GLUD1: variants seen among roughly 807,000 people sequenced by gnomAD.
GLUD1 encodes the protein glutamate dehydrogenase 1, mitochondrial.
In GLUD1, 22 loss-of-function variants were observed where a neutral mutation model predicts 56.0. The observed-to-expected ratio is 0.39, with a 90% CI of 0.28 to 0.56. GLUD1 has a LOEUF of 0.56. Among genes scored for constraint, GLUD1 ranks in the 20% least tolerant of loss-of-function variants. The pLI is 0.58. For missense variants in GLUD1, 451 were observed against 732.0 expected (o/e 0.62, Z 4.43); for synonymous variants, 223 against 269.9 (o/e 0.83, Z 1.70).
chr10:87,080,863 CG>C (rs1281994488), intron 1 of GLUD1, among the ~76,000 whole-genome samples: 2 of 150,644 alleles, frequency 1.3e-5, no homozygotes, highest in Non-Finnish European at 3.0e-5. Flanking sequence ...GTCAGCCCCC[CG>C]CCCGGCCAGC....
intron 1 of GLUD1, 91 bp from the exon 2 acceptor site, chr10:87,076,747 C>T (rs537164211): frequency 1.2e-6 from 1 of 818,996 alleles, no homozygotes; most frequent in African/African-American, 1.7e-5. Context: ...AAAAAGAAAG[C>T]TACAAATTGA....
chr10:87,052,482 AT>A (rs1457049196), intron 12 of GLUD1, among the ~76,000 whole-genome samples: 1 of 151,874 alleles, frequency 6.6e-6, no homozygotes, highest in Non-Finnish European at 1.5e-5. Context: ...GCGAAACTCC[AT>A]CTCAAAAAAC....
chr10:87,087,424 C>T (rs1404361105), intron 1 of GLUD1, among the ~76,000 whole-genome samples: 1 of 152,138 alleles, frequency 6.6e-6, no homozygotes, highest in Non-Finnish European at 1.5e-5. Context: ...AGCCCCTTTC[C>T]AATCTCCAGA....
At position 87,062,842 on chromosome 10, in the gene GLUD1, G is replaced by A; in HGVS notation, c.742-7C>T. The A allele has an allele frequency of 6.2e-7, 1 of 1,613,036 alleles. No individual in the cohort carries two copies. The highest frequency in any genetic ancestry group is 8.5e-7 in the Non-Finnish European group (1 of 1,179,036). ...AGGCGTGTGCATTAATATCCTGTAA[G>A]AGGGGGTAATTGAAAGAATGAAATG... On this transcript the variant is annotated splice_polypyrimidine_tract_variant and splice_region_variant and intron_variant, in intron 5 of 12. Coordinates refer to ENST00000277865, the MANE Select transcript of GLUD1 (RefSeq NM_005271.5).
intron 9 of GLUD1, 37 bp downstream of exon 9, chr10:87,060,124 A>C: frequency 8.1e-7 from 1 of 1,236,246 alleles, no homozygotes; most frequent in Non-Finnish European, 1.2e-6. Context: ...TTATGATTCT[A>C]AGTACATATA....
intron 4 of GLUD1, among the ~76,000 whole-genome samples, chr10:87,069,519 A>AAAAAAAAAAAAAAAAAAG: frequency 6.6e-6 from 1 of 151,494 alleles, no homozygotes; most frequent in Non-Finnish European, 1.5e-5. Flanking sequence ...TGTTTCAAAA[A>AAAAAAAAAAAAAAAAAAG]AAAAAAAAAA....
rs200631775 is a variant in GLUD1, at chr10:87,094,463, G to C, written c.307C>G (p.Arg103Gly). 3.5e-5 allele frequency: 56 copies of C among 1,613,718 alleles called. No homozygotes were observed. Among genetic ancestry groups the C allele is most frequent in the Non-Finnish European group, 4.2e-5 (50 of 1,179,970 alleles). ...ESEEQKRNRVRGILRIIKPCN... is the reference protein window; with the variant it reads ...ESEEQKRNRVGGILRIIKPCN... ...GGCTTGATGATCCGCAGGATGCCGC[G>C]CACCCGGTTCCGCTTCTGCTCCTCG... Residue 103 changes from arginine to glycine, a missense_variant, in exon 1 of 13, where the codon CGC becomes GGC. Physicochemically the swap from Arg to Gly is moderately radical, Grantham distance 125. This residue lies in a region of GLUD1 where 158 missense variants were observed against 189.7 expected (regional missense o/e 0.83). Coordinates refer to ENST00000277865, the MANE Select transcript of GLUD1 (RefSeq NM_005271.5). This position sits in a 1 kb window ranked among gnomAD's most constrained non-coding sequence, Gnocchi z 6.6.
chr10:87,062,416 G>A (rs1845960309), intron 6 of GLUD1, among the ~76,000 whole-genome samples: 1 of 152,182 alleles, frequency 6.6e-6, no homozygotes, highest in Non-Finnish European at 1.5e-5. Context: ...TGAATTTGGT[G>A]ATAGTTTGGT....
chr10:87,078,700 T>A (rs1841119944), intron 1 of GLUD1, among the ~76,000 whole-genome samples: 1 of 152,158 alleles, frequency 6.6e-6, no homozygotes, highest in Admixed American at 6.6e-5. Flanking sequence ...TAAGCCTCCA[T>A]ACCTATCATG....
At chr10:87,082,569 A>G (rs1841288219) in intron 1 of GLUD1, among the ~76,000 whole-genome samples, 1 of 152,254 alleles carries the variant, frequency 6.6e-6, no homozygotes. Context: ...GAAGCCCCAG[A>G]GCCAACAGAA....
At chr10:87,054,835 T>A (rs571670217) in intron 11 of GLUD1, among the ~76,000 whole-genome samples, 30 of 152,238 alleles carry the variant, frequency 2.0e-4, no homozygotes, top group Non-Finnish European at 4.0e-4. Context: ...GGAAAAACCA[T>A]CCAATGCCCA....
At chr10:87,082,919 C>CT (rs1425993899) in intron 1 of GLUD1, among the ~76,000 whole-genome samples, 18 of 152,306 alleles carry the variant, frequency 1.2e-4, no homozygotes, top group African/African-American at 4.1e-4. Context: ...GAAAATAAGT[C>CT]TTAACTACAT....
chr10:87,078,295 T>G (rs1846457339), intron 1 of GLUD1, among the ~76,000 whole-genome samples: 1 of 152,234 alleles, frequency 6.6e-6, no homozygotes, highest in Non-Finnish European at 1.5e-5. Context: ...GATATCTGTA[T>G]AGCTCACTCC....
At chr10:87,089,815 T>C in intron 1 of GLUD1, 2 of 597,712 alleles carry the variant, frequency 3.3e-6, no homozygotes, top group Non-Finnish European at 4.2e-6. Flanking sequence ...ATTGATTCAT[T>C]TGAATAACTA....
chr10:87,068,255 A>G (rs1407578410), intron 4 of GLUD1, 98 bp from the exon 5 acceptor site: 3 of 748,420 alleles, frequency 4.0e-6, no homozygotes, highest in African/African-American at 3.4e-5. Context: ...CCAAGTTACC[A>G]TGGCTAGAAA....
chr10:87,061,532 G>A (rs1044344695), intron 6 of GLUD1, among the ~76,000 whole-genome samples: 5 of 152,098 alleles, frequency 3.3e-5, no homozygotes, highest in Non-Finnish European at 5.9e-5. Context: ...AATGGCAGTG[G>A]TGTTAAGTAC....
intron 11 of GLUD1, among the ~76,000 whole-genome samples, chr10:87,054,990 G>A (rs1845728630): frequency 6.6e-6 from 1 of 152,342 alleles, no homozygotes; most frequent in African/African-American, 2.4e-5. Flanking sequence ...ACAGATAGCA[G>A]GTCATGAGCT....
intron 12 of GLUD1, among the ~76,000 whole-genome samples, chr10:87,053,012 A>G (rs1321640109): frequency 6.6e-6 from 1 of 152,194 alleles, no homozygotes; most frequent in Non-Finnish European, 1.5e-5. Context: ...CAAATTCTAT[A>G]GTAAGGTAGA....
chr10:87,070,115 G>T (rs6586053), intron 4 of GLUD1, among the ~76,000 whole-genome samples: 45,542 of 152,084 alleles, frequency 0.3, 7,730 homozygotes, highest in East Asian at 0.69. Flanking sequence ...ACTACAAAAG[G>T]ATTATGCTTG....
Sources: allele counts gnomAD v4.1 joint callset (sites outside exome capture counted in the v4.1 genomes callset), GRCh38; gene constraint gnomAD v4.1.1; regional missense constraint gnomAD v4.1.1; non-coding constraint Gnocchi (gnomAD v3.1); transcripts MANE v1.5; gene names NCBI Gene and HGNC (gene_info 2026-07-23, HGNC 2026-07-21).